The following LHFPL6 variants were observed in gnomAD, a reference collection of about 807,000 sequenced individuals.
LHFPL6 encodes the protein LHFPL tetraspan subfamily member 6 protein.
A neutral mutation model predicts 20.6 loss-of-function variants in LHFPL6; 9 were observed. The observed-to-expected ratio is 0.44, with a 90% CI of 0.26 to 0.76. The LOEUF is 0.76. Among genes scored for constraint, LHFPL6 ranks in the 30% least tolerant of loss-of-function variants. The pLI, the probability that LHFPL6 is intolerant of heterozygous loss-of-function variation, is 0.20. For missense variants in LHFPL6, 218 were observed against 253.5 expected, an observed-to-expected ratio of 0.86 and a Z score of 0.95; for synonymous variants, 105 against 98.7, an observed-to-expected ratio of 1.06 and a Z score of -0.38.
At chr13:39,514,173 A>G (rs1457614110) in intron 2 of LHFPL6, among the ~76,000 whole-genome samples, 1 of 152,150 alleles carries the variant, frequency 6.6e-6, no homozygotes, top group East Asian at 1.9e-4. Flanking sequence ...TATGTAAACT[A>G]AATAATCAGA....
chr13:39,417,203 T>C (rs1031604071), intron 2 of LHFPL6, among the ~76,000 whole-genome samples: 1 of 152,174 alleles, frequency 6.6e-6, no homozygotes, highest in Non-Finnish European at 1.5e-5. Flanking sequence ...AGGACTGGAC[T>C]CTACCAAAAA....
intron 3 of LHFPL6, among the ~76,000 whole-genome samples, chr13:39,344,615 A>G (rs1869340040): frequency 6.6e-6 from 1 of 152,222 alleles, no homozygotes; most frequent in African/African-American, 2.4e-5. Flanking sequence ...TTGAAGATAA[A>G]GTGTCATTTA....
Position 39,600,830 on chromosome 13 carries a change from A to AC in LHFPL6, c.385+1dup. On this transcript the variant is annotated splice_donor_variant, in intron 2 of 3. Transcript: ENST00000379589. LOFTEE classifies it high-confidence loss of function. ...ACAACTCAAGCTCAGCAAGTCACTT[A>AC]CCCCCAAGAAACTGAATTCCTCCAG... The AC allele has an allele frequency of 6.8e-7, 1 of 1,479,864 alleles. No individual in the cohort carries two copies. Among genetic ancestry groups the AC allele is most frequent in the South Asian group, 1.5e-5 (1 of 65,484 alleles). 91.7% of individuals were successfully genotyped at this position (1,479,864 alleles called of 1,614,324 possible). A position where few individuals can be genotyped will look rare whatever the true frequency, so the allele number is the denominator to read the frequency against.
intron 2 of LHFPL6, among the ~76,000 whole-genome samples, chr13:39,430,915 C>T (rs573909527): frequency 7.9e-5 from 12 of 152,350 alleles, no homozygotes; most frequent in South Asian, 2.1e-4. Flanking sequence ...TCCCCTTCCA[C>T]GCTGTTCAAG....
At chr13:39,388,597 G>C (rs891588492) in intron 2 of LHFPL6, among the ~76,000 whole-genome samples, 1 of 152,002 alleles carries the variant, frequency 6.6e-6, no homozygotes, top group African/African-American at 2.4e-5. Flanking sequence ...TGTAAAATGG[G>C]GGAAAATTAT....
intron 3 of LHFPL6, among the ~76,000 whole-genome samples, chr13:39,362,935 G>C (rs1167123530): frequency 6.6e-6 from 1 of 152,212 alleles, no homozygotes; most frequent in Admixed American, 6.5e-5. Flanking sequence ...TCCAGCAGGA[G>C]CTGCCCAGAG....
chr13:39,598,429 C>A (rs934534424), intron 2 of LHFPL6, among the ~76,000 whole-genome samples: 1 of 151,824 alleles, frequency 6.6e-6, no homozygotes, highest in Non-Finnish European at 1.5e-5. Context: ...CTTGTGCCCT[C>A]GAGAGGTGAG....
chr13:39,376,643 AT>A (rs546768353), intron 3 of LHFPL6, among the ~76,000 whole-genome samples: 74 of 152,162 alleles, frequency 4.9e-4, no homozygotes, highest in African/African-American at 1.7e-3. Context: ...ATCTAACAGA[AT>A]TTTTTTTCAT....
intron 2 of LHFPL6, among the ~76,000 whole-genome samples, chr13:39,403,612 T>C (rs981483787): frequency 6.6e-6 from 1 of 152,196 alleles, no homozygotes; most frequent in Non-Finnish European, 1.5e-5. Context: ...CAAGCCCTTT[T>C]ATTATCTCTA....
chr13:39,574,232 C>T (rs940984614), intron 2 of LHFPL6, among the ~76,000 whole-genome samples: 3 of 152,044 alleles, frequency 2.0e-5, no homozygotes, highest in Admixed American at 6.5e-5. Flanking sequence ...CCTGTAATCC[C>T]AGCACTTTGG....
intron 2 of LHFPL6, among the ~76,000 whole-genome samples, chr13:39,537,123 G>A (rs1038646713): frequency 2.4e-4 from 37 of 152,146 alleles, no homozygotes; most frequent in African/African-American, 8.9e-4. Context: ...ATGGTTCTCT[G>A]TTTGCAGTGT....
At chr13:39,464,033 A>G (rs1379651179) in intron 2 of LHFPL6, among the ~76,000 whole-genome samples, 4 of 152,232 alleles carry the variant, frequency 2.6e-5, no homozygotes, top group African/African-American at 7.2e-5. Flanking sequence ...TAACTCATAC[A>G]TTCTACATAA....
intron 2 of LHFPL6, among the ~76,000 whole-genome samples, chr13:39,537,992 C>CTT (rs57732900): frequency 6.9e-5 from 3 of 43,544 alleles, no homozygotes; most frequent in African/African-American, 1.2e-4. Context: ...TTCTTTCTTT[C>CTT]TTTTTTTTTT....
intron 3 of LHFPL6, among the ~76,000 whole-genome samples, chr13:39,346,180 A>T (rs935225660): frequency 6.6e-6 from 1 of 152,214 alleles, no homozygotes; most frequent in African/African-American, 2.4e-5. Flanking sequence ...AAGGCAACGC[A>T]AGACAGAGCT....
chr13:39,415,381 GTGCATGTGTATGCACA>G (rs1023646587), intron 2 of LHFPL6, among the ~76,000 whole-genome samples: 9 of 152,030 alleles, frequency 5.9e-5, no homozygotes, highest in African/African-American at 1.7e-4. Context: ...ACAAATTTTT[GTGCATGTGTATGCACA>G]TGCATGTGTA....
intron 1 of LHFPL6, among the ~76,000 whole-genome samples, chr13:39,602,234 C>T (rs2324352): frequency 1 from 151,936 of 152,258 alleles, 75,807 homozygotes; most frequent in Non-Finnish European, 1. Flanking sequence ...TCACACTTTC[C>T]ATAAAGAAAT....
intron 2 of LHFPL6, among the ~76,000 whole-genome samples, chr13:39,418,984 T>C (rs1438498813): frequency 6.6e-6 from 1 of 152,228 alleles, no homozygotes; most frequent in Non-Finnish European, 1.5e-5. Flanking sequence ...TCACCTTCCT[T>C]AAACGTTTCA....
chr13:39,417,949 A>G (rs1871385890), intron 2 of LHFPL6, among the ~76,000 whole-genome samples: 1 of 152,220 alleles, frequency 6.6e-6, no homozygotes, highest in Non-Finnish European at 1.5e-5. Flanking sequence ...TTAGAGCATT[A>G]TGTGGGGAGA....
chr13:39,537,615 T>C (rs1302418020), intron 2 of LHFPL6, among the ~76,000 whole-genome samples: 5 of 152,226 alleles, frequency 3.3e-5, no homozygotes, highest in Admixed American at 3.3e-4. Flanking sequence ...CCTTCAGATT[T>C]CTTTCATGTC....
Sources: gnomAD v4.1 joint callset for allele counts (sites outside exome capture counted in the v4.1 genomes callset) on GRCh38, gnomAD v4.1.1 for gene constraint, MANE v1.5 for transcripts, NCBI Gene and HGNC (gene_info 2026-07-23, HGNC 2026-07-21) for gene names.